Variants in OPCML observed in about 807,000 individuals in gnomAD.
The protein encoded by OPCML is opioid binding protein/cell adhesion molecule like, also known as opioid-binding protein/cell adhesion molecule.
OPCML carries 13 observed loss-of-function variants against 37.8 expected under a neutral mutation model. The observed-to-expected ratio is 0.34, with a 90% confidence interval of 0.22 to 0.55. OPCML has a LOEUF of 0.55. Ranked by LOEUF, OPCML falls within the 20% of genes least tolerant of loss-of-function variation. The pLI, the probability that OPCML is intolerant of heterozygous loss-of-function variation, is 0.91. For synonymous variants in OPCML, 176 were observed against 168.8 expected (o/e 1.04, Z -0.33); for missense variants, 341 against 435.6 (o/e 0.78, Z 1.93).
chr11:132,440,984 A>G (rs2136771880), intron 4 of OPCML, among the ~76,000 whole-genome samples: 1 of 152,068 alleles, frequency 6.6e-6, no homozygotes, highest in South Asian at 2.1e-4. Context: ...CTGCCAGGAA[A>G]CCAAATTGCT....
chr11:132,592,919 G>T (rs1267380460), intron 3 of OPCML, among the ~76,000 whole-genome samples: 1 of 152,176 alleles, frequency 6.6e-6, no homozygotes, highest in African/African-American at 2.4e-5. Context: ...GTAGGTGTCA[G>T]GCGTACAGCA....
At chr11:132,672,078 T>C (rs1368566022) in intron 2 of OPCML, among the ~76,000 whole-genome samples, 1 of 152,134 alleles carries the variant, frequency 6.6e-6, no homozygotes, top group Non-Finnish European at 1.5e-5. Flanking sequence ...TGTGCTCTTA[T>C]AACTTGACCT....
chr11:132,445,460 G>A (rs1488999296), intron 4 of OPCML, among the ~76,000 whole-genome samples: 9 of 152,228 alleles, frequency 5.9e-5, no homozygotes, highest in Admixed American at 5.9e-4. Context: ...AAAAGTTAAA[G>A]AGGAGAGGAC....
chr11:132,604,117 C>G (rs1264696256), intron 3 of OPCML, among the ~76,000 whole-genome samples: 2 of 152,160 alleles, frequency 1.3e-5, no homozygotes, highest in African/African-American at 2.4e-5. Context: ...ATTTGGAAAG[C>G]AAGAGCCACA....
chr11:132,681,936 CAG>C (rs972560246), intron 2 of OPCML, among the ~76,000 whole-genome samples: 3 of 150,516 alleles, frequency 2.0e-5, no homozygotes, highest in African/African-American at 7.4e-5. Flanking sequence ...GCCTGGGCGA[CAG>C]AGAGAGATTC....
intron 1 of OPCML, among the ~76,000 whole-genome samples, chr11:133,235,202 A>G (rs1022793199): frequency 3.9e-5 from 6 of 152,128 alleles, no homozygotes; most frequent in Non-Finnish European, 1.5e-5. Flanking sequence ...GGTCAGTTGC[A>G]TTTTGTGCTT....
At chr11:133,060,846 T>C (rs1948329443) in intron 1 of OPCML, among the ~76,000 whole-genome samples, 2 of 152,238 alleles carry the variant, frequency 1.3e-5, no homozygotes, top group African/African-American at 4.8e-5. Flanking sequence ...AAACCCTACG[T>C]GGGCATCAGC....
intron 2 of OPCML, among the ~76,000 whole-genome samples, chr11:132,802,229 A>T (rs1366239676): frequency 6.6e-6 from 1 of 152,082 alleles, no homozygotes; most frequent in Non-Finnish European, 1.5e-5. Context: ...TTCCCCCAGC[A>T]CACAGTCCAT....
intron 1 of OPCML, among the ~76,000 whole-genome samples, chr11:133,051,627 G>A (rs1400754055): frequency 1.3e-5 from 2 of 152,130 alleles, no homozygotes; most frequent in Non-Finnish European, 2.9e-5. Flanking sequence ...GATGACCATT[G>A]GGAAAGAAGG....
chr11:133,145,349 A>G (rs1325520150), intron 1 of OPCML, among the ~76,000 whole-genome samples: 1 of 152,188 alleles, frequency 6.6e-6, no homozygotes, highest in East Asian at 1.9e-4. Flanking sequence ...TTGACTGGCA[A>G]TTATAGAAAA....
chr11:133,289,395 AC>A (rs200075176), intron 1 of OPCML, among the ~76,000 whole-genome samples: 7,672 of 151,978 alleles, frequency 0.05, 220 homozygotes, highest in Admixed American at 0.062. Context: ...GGAGATCGAG[AC>A]CATCCCGGCT....
intron 1 of OPCML, among the ~76,000 whole-genome samples, chr11:133,349,784 T>A (rs1944086601): frequency 6.6e-6 from 1 of 152,146 alleles, no homozygotes; most frequent in African/African-American, 2.4e-5. Flanking sequence ...TAGTGGGACA[T>A]GCTAAACCAT....
intron 2 of OPCML, among the ~76,000 whole-genome samples, chr11:132,872,840 A>G (rs953478): frequency 0.32 from 48,779 of 151,862 alleles, 8,131 homozygotes; most frequent in South Asian, 0.41. Context: ...CTGTCATGCC[A>G]CCTTGCTCCC....
chr11:132,965,927 C>T (rs1408418269), intron 1 of OPCML, among the ~76,000 whole-genome samples: 1 of 152,058 alleles, frequency 6.6e-6, no homozygotes, highest in Non-Finnish European at 1.5e-5. Context: ...TAATTTGCAT[C>T]TTTTCTTTCT....
intron 1 of OPCML, among the ~76,000 whole-genome samples, chr11:133,190,038 T>C (rs748618140): frequency 7.2e-5 from 11 of 152,188 alleles, no homozygotes; most frequent in Non-Finnish European, 1.6e-4. Context: ...ACCACTTCCA[T>C]ATAGTTCCCA....
rs34982227 is a variant in OPCML, at chr11:133,080,474, GTTTTT to G, written c.62-137469_62-137465del. On this transcript the variant is annotated intron_variant, in intron 1 of 7. Transcript: ENST00000524381. ...AACATTCCCACTTTGGTAATCAAAT[GTTTTT>G]TTTTTTTTTTTTTTTCCTAAAATAG... Among the ~76,000 whole-genome samples, 1,096 of 129,288 alleles carry G rather than the reference GTTTTT, an allele frequency of 8.5e-3. 10 individuals carry two copies. Among genetic ancestry groups the G allele is most frequent in the African/African-American group, 0.029 (1,001 of 35,046 alleles). The allele number at this position is 129,288 out of a possible 152,430, so 84.8% of individuals were successfully genotyped here. A position where few individuals can be genotyped will look rare whatever the true frequency, so the allele number is the denominator to read the frequency against.
intron 1 of OPCML, among the ~76,000 whole-genome samples, chr11:133,445,669 C>A (rs1197033435): frequency 1.3e-5 from 2 of 152,106 alleles, no homozygotes; most frequent in African/African-American, 4.8e-5. Flanking sequence ...GAGAAACTCA[C>A]AAAATAACAA....
intron 1 of OPCML, among the ~76,000 whole-genome samples, chr11:133,505,891 C>T (rs1948019481): frequency 6.6e-6 from 1 of 152,178 alleles, no homozygotes; most frequent in Admixed American, 6.5e-5. Flanking sequence ...CCTCATCAGT[C>T]ATAGGTTTCT....
chr11:132,834,290 C>T (rs1163061927), intron 2 of OPCML, among the ~76,000 whole-genome samples: 6 of 152,196 alleles, frequency 3.9e-5, no homozygotes, highest in African/African-American at 1.4e-4. Flanking sequence ...TTTACCAGTG[C>T]AATGACATTA....
Sources: allele counts gnomAD v4.1 joint callset (sites outside exome capture counted in the v4.1 genomes callset), GRCh38; gene constraint gnomAD v4.1.1; transcripts MANE v1.5; gene names NCBI Gene and HGNC (gene_info 2026-07-23, HGNC 2026-07-21).